Variants in CASD1 observed in about 807,000 individuals in gnomAD.
CASD1 encodes the protein CAS1 domain sialic acid O acetyltransferase 1.
CASD1 carries 41 observed loss-of-function variants against 100.0 expected under a neutral mutation model. The ratio of observed to expected loss-of-function variants is 0.41; its 90% CI spans 0.32 to 0.53. The LOEUF (loss-of-function observed/expected upper bound fraction) is 0.53. Ranked by LOEUF, CASD1 falls within the 20% of genes least tolerant of loss-of-function variation. The pLI, the probability that CASD1 is intolerant of heterozygous loss-of-function variation, is 0.25. For synonymous variants in CASD1, 321 were observed against 315.6 expected, an observed-to-expected ratio of 1.02 and a Z score of -0.18; for missense variants, 774 against 948.7, an observed-to-expected ratio of 0.82 and a Z score of 2.42.
chr7:94,576,264 T>A, the CASD1 span, among the ~76,000 whole-genome samples: 3 of 152,216 alleles, frequency 2.0e-5, no homozygotes, highest in Admixed American at 2.0e-4. Context: ...TCAAATCTGC[T>A]GTTAAATCTT....
the CASD1 span, among the ~76,000 whole-genome samples, chr7:94,574,618 T>C: frequency 6.6e-6 from 1 of 151,996 alleles, no homozygotes; most frequent in African/African-American, 2.4e-5. Flanking sequence ...TCTTCTCTCT[T>C]TTCTCCTTTA....
At chr7:94,552,934 TCAAA>T (rs1177812566) in intron 16 of CASD1, among the ~76,000 whole-genome samples, 2 of 152,142 alleles carry the variant, frequency 1.3e-5, no homozygotes, top group African/African-American at 2.4e-5. Context: ...AGACTCCGTC[TCAAA>T]CAAACAAACA....
chr7:94,606,163 C>A, the CASD1 span, among the ~76,000 whole-genome samples: 1 of 152,026 alleles, frequency 6.6e-6, no homozygotes, highest in African/African-American at 2.4e-5. Flanking sequence ...GGTCTAAATA[C>A]CCCATTGAAA....
At chr7:94,618,728 T>C in the CASD1 span, 1 of 1,567,740 alleles carries the variant, frequency 6.4e-7, no homozygotes, top group Non-Finnish European at 8.8e-7. Flanking sequence ...AAAATCTATA[T>C]TTAAGGCAAT....
the CASD1 span, among the ~76,000 whole-genome samples, chr7:94,622,881 A>G: frequency 6.6e-6 from 1 of 152,170 alleles, no homozygotes; most frequent in Non-Finnish European, 1.5e-5. Context: ...CAGAAACCCT[A>G]TATTATCACA....
intron 3 of CASD1, among the ~76,000 whole-genome samples, chr7:94,526,174 T>C (rs1281562693): frequency 2.6e-5 from 4 of 152,188 alleles, no homozygotes; most frequent in African/African-American, 9.7e-5. Flanking sequence ...AACAAACTAC[T>C]CTAACGTCTT....
chr7:94,512,166 C>T (rs1793744170), intron 1 of CASD1, among the ~76,000 whole-genome samples: 1 of 152,158 alleles, frequency 6.6e-6, no homozygotes, highest in Admixed American at 6.5e-5. Flanking sequence ...ACAGAGGTGG[C>T]CAATCTTTTG....
At chr7:94,601,386 A>T in the CASD1 span, among the ~76,000 whole-genome samples, 1 of 145,768 alleles carries the variant, frequency 6.9e-6, no homozygotes, top group African/African-American at 2.6e-5. Context: ...ACTTTTATGG[A>T]AGATAGTCTA....
chr7:94,628,104 C>A, the CASD1 span: 3 of 901,442 alleles, frequency 3.3e-6, no homozygotes, highest in South Asian at 4.3e-5. Context: ...CATCAGGTAA[C>A]TTTAGTTTCA....
chr7:94,559,278 G>GTGTA (rs1796298435), downstream of CASD1, among the ~76,000 whole-genome samples: 2 of 128,314 alleles, frequency 1.6e-5, no homozygotes, highest in African/African-American at 5.4e-5. Context: ...ATATATGTCT[G>GTGTA]TGTGTGTGTG....
chr7:94,631,455 A>C, the CASD1 span, among the ~76,000 whole-genome samples: 3 of 151,976 alleles, frequency 2.0e-5, no homozygotes. Flanking sequence ...CCCAGAGGTA[A>C]AACTGCTTTG....
At chr7:94,551,557 TTAA>T (rs1795947488) in intron 15 of CASD1, 79 bp downstream of exon 15, 2 of 584,604 alleles carry the variant, frequency 3.4e-6, no homozygotes, top group Non-Finnish European at 2.5e-6. Flanking sequence ...TCAATTATTT[TTAA>T]TAATAAATCT....
chr7:94,608,765 C>A, the CASD1 span, among the ~76,000 whole-genome samples: 1 of 152,036 alleles, frequency 6.6e-6, no homozygotes, highest in African/African-American at 2.4e-5. Flanking sequence ...AGAAATAGAC[C>A]CACATAAATC....
rs189496743 is a variant in CASD1 at position 94,539,562 on chromosome 7, G to A, written c.1356+506G>A. Among the ~76,000 whole-genome samples the A allele has an allele frequency of 4.7e-3, 710 of 151,700 alleles. 6 individuals are homozygous for A. Among genetic ancestry groups the A allele is most frequent in the African/African-American group, 0.016 (675 of 41,388 alleles). On this transcript the variant is annotated intron_variant, in intron 10 of 17. Coordinates refer to ENST00000297273, the MANE Select transcript of CASD1 (RefSeq NM_022900.5). ...TGCATGCCTGTAATCCCAGCTACTC[G>A]GAAAGCTGAGGCAGGAGAAACACTT...
intron 15 of CASD1, chr7:94,552,010 A>T (rs1055682933): frequency 4.6e-6 from 1 of 216,172 alleles, no homozygotes; most frequent in African/African-American, 2.3e-5. Flanking sequence ...AATGAAGAAT[A>T]AATAAGAGCT....
chr7:94,571,062 T>C, the CASD1 span, among the ~76,000 whole-genome samples: 63 of 151,882 alleles, frequency 4.1e-4, no homozygotes, highest in African/African-American at 1.4e-3. Flanking sequence ...TTTTTCTTTT[T>C]AGACAGAGTC....
the CASD1 span, chr7:94,625,107 A>G: frequency 1.8e-4 from 27 of 152,146 alleles, no homozygotes; most frequent in Admixed American, 5.2e-4. Context: ...CTACGTGTGC[A>G]TACTTTATTT....
intron 13 of CASD1, among the ~76,000 whole-genome samples, chr7:94,547,507 C>T (rs977613732): frequency 1.3e-5 from 2 of 151,760 alleles, no homozygotes; most frequent in African/African-American, 4.8e-5. Context: ...ACAGAATTTG[C>T]AGCTAGTTTG....
the CASD1 span, chr7:94,599,278 C>T: frequency 3.4e-6 from 1 of 294,646 alleles, no homozygotes; most frequent in Non-Finnish European, 6.2e-6. Flanking sequence ...GATAAAACTA[C>T]CATAGCTTTT....
Sources: allele counts gnomAD v4.1 joint callset (sites outside exome capture counted in the v4.1 genomes callset), GRCh38; gene constraint gnomAD v4.1.1; transcripts MANE v1.5; gene names NCBI Gene and HGNC (gene_info 2026-07-23, HGNC 2026-07-21).